WDR7: variants seen among roughly 807,000 people sequenced by gnomAD.
The protein encoded by WDR7 is WD repeat domain 7, also known as WD repeat-containing protein 7.
In WDR7, 46 loss-of-function variants were observed where a neutral mutation model predicts 169.4. The observed-to-expected ratio is 0.27, with a 90% CI of 0.21 to 0.35. The LOEUF is 0.35. Ranked by LOEUF, WDR7 falls within the 10% of genes least tolerant of loss-of-function variation. The pLI, the probability that WDR7 is intolerant of heterozygous loss-of-function variation, is 1.00. For synonymous variants in WDR7, 612 were observed against 666.8 expected (o/e 0.92, Z 1.27); for missense variants, 1,534 against 1,859.3 (o/e 0.83, Z 3.22).
At chr18:56,907,022 C>T (rs1188733922) in intron 21 of WDR7, among the ~76,000 whole-genome samples, 2 of 152,152 alleles carry the variant, frequency 1.3e-5, no homozygotes, top group Non-Finnish European at 2.9e-5. Flanking sequence ...TTCTCAATAC[C>T]AACCAGGGTT....
chr18:57,024,416 G>A (rs566240921), intron 27 of WDR7, among the ~76,000 whole-genome samples: 51 of 152,240 alleles, frequency 3.3e-4, no homozygotes, highest in Admixed American at 8.5e-4. Context: ...CATTCATGCC[G>A]AATTTGAAGA....
intron 19 of WDR7, among the ~76,000 whole-genome samples, chr18:56,797,626 C>T (rs575310974): frequency 1.1e-4 from 16 of 151,956 alleles, no homozygotes; most frequent in Non-Finnish European, 1.5e-5. Context: ...ATTCTGATTT[C>T]AATTCTTTAT....
At chr18:56,665,152 G>A (rs924689316) in intron 1 of WDR7, among the ~76,000 whole-genome samples, 5 of 152,212 alleles carry the variant, frequency 3.3e-5, no homozygotes, top group African/African-American at 2.4e-5. Context: ...AATTAGTTAG[G>A]ACTAGTAGCG....
At chr18:56,859,318 T>C (rs1483139304) in intron 20 of WDR7, among the ~76,000 whole-genome samples, 15 of 152,200 alleles carry the variant, frequency 9.9e-5, no homozygotes, top group Admixed American at 9.8e-4. Context: ...TAATTTTTAT[T>C]GTTTCTTTAG....
At chr18:56,803,127 C>T (rs933394747) in intron 19 of WDR7, among the ~76,000 whole-genome samples, 1 of 152,116 alleles carries the variant, frequency 6.6e-6, no homozygotes, top group East Asian at 1.9e-4. Context: ...TGAGTTTCAT[C>T]CATCTTATTC....
intron 19 of WDR7, among the ~76,000 whole-genome samples, chr18:56,795,374 T>C (rs2044565706): frequency 6.6e-6 from 1 of 152,214 alleles, no homozygotes; most frequent in South Asian, 2.1e-4. Context: ...GTGCTAGATA[T>C]GCGTCTTGCT....
At chr18:56,928,333 C>T (rs982239183) in intron 22 of WDR7, among the ~76,000 whole-genome samples, 4 of 152,024 alleles carry the variant, frequency 2.6e-5, no homozygotes, top group Non-Finnish European at 4.4e-5. Flanking sequence ...GGCATGGTGC[C>T]GTGTACCTGT....
intron 14 of WDR7, among the ~76,000 whole-genome samples, chr18:56,736,014 G>A (rs1164668612): frequency 1.3e-5 from 2 of 152,172 alleles, no homozygotes; most frequent in Non-Finnish European, 2.9e-5. Flanking sequence ...GTTCAAAAGA[G>A]TGGTTAAGAG....
At chr18:57,010,889 G>T (rs985350635) in intron 26 of WDR7, among the ~76,000 whole-genome samples, 1 of 152,124 alleles carries the variant, frequency 6.6e-6, no homozygotes, top group African/African-American at 2.4e-5. Context: ...AAGGGAAAAT[G>T]CTCCTAAAAT....
intron 20 of WDR7, among the ~76,000 whole-genome samples, chr18:56,851,222 A>G (rs1407137570): frequency 6.6e-6 from 1 of 151,834 alleles, no homozygotes; most frequent in Non-Finnish European, 1.5e-5. Context: ...CTCTGGCTTC[A>G]TTTCTCAGCC....
intron 19 of WDR7, among the ~76,000 whole-genome samples, chr18:56,784,095 A>G (rs1353737835): frequency 6.6e-6 from 1 of 152,082 alleles, no homozygotes; most frequent in African/African-American, 2.4e-5. Context: ...TAAAGTACCC[A>G]CTATTGCCAT....
intron 1 of WDR7, among the ~76,000 whole-genome samples, chr18:56,666,234 A>G (rs604193): frequency 0.92 from 127,439 of 137,876 alleles, 59,661 homozygotes; most frequent in East Asian, 1. Context: ...CCGCAGTTTC[A>G]CTCTTGTTGC....
intron 19 of WDR7, among the ~76,000 whole-genome samples, chr18:56,782,888 A>G (rs1599039558): frequency 6.6e-6 from 1 of 152,308 alleles, no homozygotes; most frequent in East Asian, 1.9e-4. Flanking sequence ...TAAAGATGAT[A>G]ATAGGACTTT....
In WDR7 at chr18:56,734,703, C is replaced by G. The variant is rs555061962; in HGVS notation, c.1989+3106C>G. Among the ~76,000 whole-genome samples the G allele has an allele frequency of 2.7e-3, 412 of 152,118 alleles. 2 individuals carry two copies. The highest frequency in any genetic ancestry group is 5.4e-3 in the Admixed American group (82 of 15,268). ...TTAGTTCTTACATTCTTTTTATGCT[C>G]ACATTTTTTTTGTTCATACGTTTCC... is the stretch of plus-strand genomic sequence containing the variant. On this transcript the variant is annotated intron_variant, in intron 14 of 27. Coordinates refer to ENST00000254442, the MANE Select transcript of WDR7 (RefSeq NM_015285.3).
In WDR7 at chr18:57,029,038, A is replaced by G. The variant is rs1484480886; in HGVS notation, c.*1831A>G. The G allele has an allele frequency of 1.3e-5, 2 of 152,676 alleles. No homozygotes were observed. Among genetic ancestry groups the G allele is most frequent in the African/African-American group, 2.4e-5 (1 of 41,460 alleles). The allele number at this position is 152,676 out of a possible 1,614,324, so 9.5% of individuals were successfully genotyped here. A position where few individuals can be genotyped will look rare whatever the true frequency, so the allele number is the denominator to read the frequency against. ...GGGTCCAGAGTCTTCTCTATACCCA[A>G]CATATGTTTACTTTATGAACTTAAA... On this transcript the variant is annotated 3_prime_UTR_variant, in exon 28 of 28. Coordinates refer to ENST00000254442, the MANE Select transcript of WDR7 (RefSeq NM_015285.3).
At chr18:56,951,956 C>G (rs888216475) in intron 25 of WDR7, among the ~76,000 whole-genome samples, 1 of 151,874 alleles carries the variant, frequency 6.6e-6, no homozygotes, top group Non-Finnish European at 1.5e-5. Flanking sequence ...GTTTAAAAAC[C>G]CATTATATGT....
intron 12 of WDR7, among the ~76,000 whole-genome samples, chr18:56,697,742 A>G (rs1403423383): frequency 6.6e-6 from 1 of 152,202 alleles, no homozygotes; most frequent in Non-Finnish European, 1.5e-5. Context: ...TAATTTTTCA[A>G]TGCAAAAATT....
At chr18:56,727,607 C>T (rs1477780945) in intron 13 of WDR7, among the ~76,000 whole-genome samples, 1 of 152,146 alleles carries the variant, frequency 6.6e-6, no homozygotes, top group African/African-American at 2.4e-5. Flanking sequence ...AGGAGAACAG[C>T]ATAGAGGAAA....
intron 26 of WDR7, among the ~76,000 whole-genome samples, chr18:57,017,568 C>G (rs2048226258): frequency 6.6e-6 from 1 of 150,716 alleles, no homozygotes; most frequent in South Asian, 2.1e-4. Context: ...AGAAGACTTT[C>G]AAGAAAGTTA....
Sources: gnomAD v4.1 joint callset for allele counts (sites outside exome capture counted in the v4.1 genomes callset) on GRCh38, gnomAD v4.1.1 for gene constraint, MANE v1.5 for transcripts, NCBI Gene and HGNC (gene_info 2026-07-23, HGNC 2026-07-21) for gene names.